EXOC4: variants seen among roughly 807,000 people sequenced by gnomAD.
The protein encoded by EXOC4 is SEC8-like 1.
In EXOC4, 71 loss-of-function variants were observed where a neutral mutation model predicts 107.2. That is an observed-to-expected ratio of 0.66 (90% CI 0.55 to 0.81). The LOEUF (loss-of-function observed/expected upper bound fraction) is 0.81, where lower values mean the gene tolerates loss of function less well. Ranked by LOEUF, EXOC4 falls within the 30% of genes least tolerant of loss-of-function variation. The pLI, the probability that EXOC4 is intolerant of heterozygous loss-of-function variation, is 0.00. For synonymous variants in EXOC4, 456 were observed against 441.2 expected (o/e 1.03, Z -0.42); for missense variants, 1,108 against 1,189.6 (o/e 0.93, Z 1.01).
intron 6 of EXOC4, among the ~76,000 whole-genome samples, chr7:133,373,647 A>G (rs1584863359): frequency 6.6e-6 from 1 of 152,190 alleles, no homozygotes; most frequent in Admixed American, 6.5e-5. Context: ...ACTGCTGACA[A>G]GCTCTTTTGC....
chr7:133,809,356 G>A (rs532916060), intron 10 of EXOC4, among the ~76,000 whole-genome samples: 4 of 152,214 alleles, frequency 2.6e-5, no homozygotes, highest in African/African-American at 4.8e-5. Context: ...GGATGGGACC[G>A]TGTGGACTTA....
chr7:133,850,133 A>T (rs1212252335), intron 11 of EXOC4, among the ~76,000 whole-genome samples: 1 of 152,222 alleles, frequency 6.6e-6, no homozygotes, highest in Non-Finnish European at 1.5e-5. Flanking sequence ...TGATATGTAG[A>T]TTATTTGTCT....
intron 3 of EXOC4, among the ~76,000 whole-genome samples, chr7:133,292,915 G>GT (rs1794439097): frequency 6.6e-6 from 1 of 152,038 alleles, no homozygotes; most frequent in Non-Finnish European, 1.5e-5. Context: ...GCTTTGTTCT[G>GT]TTTTTTCTTC....
At chr7:133,797,929 T>C (rs958788381) in intron 10 of EXOC4, among the ~76,000 whole-genome samples, 2 of 152,004 alleles carry the variant, frequency 1.3e-5, no homozygotes, top group African/African-American at 4.8e-5. Context: ...TCAATGCTTG[T>C]GGTATCAGAT....
intron 10 of EXOC4, among the ~76,000 whole-genome samples, chr7:133,757,036 A>G (rs1317895903): frequency 6.6e-6 from 1 of 152,158 alleles, no homozygotes; most frequent in Non-Finnish European, 1.5e-5. Context: ...TCCTAGCTTC[A>G]CTGTATATTA....
chr7:133,351,669 A>T (rs1225737435), intron 5 of EXOC4, among the ~76,000 whole-genome samples: 2 of 151,574 alleles, frequency 1.3e-5, no homozygotes, highest in Admixed American at 1.3e-4. Context: ...TTGTTTTTCT[A>T]TTCTCTATTT....
At chr7:133,512,656 AAAACC>A (rs1799793286) in intron 9 of EXOC4, among the ~76,000 whole-genome samples, 1 of 152,186 alleles carries the variant, frequency 6.6e-6, no homozygotes, top group African/African-American at 2.4e-5. Context: ...AGCTTAGCTC[AAAACC>A]AAACCAAACC....
At chr7:133,851,771 A>G (rs535843611) in intron 11 of EXOC4, among the ~76,000 whole-genome samples, 1 of 152,354 alleles carries the variant, frequency 6.6e-6, no homozygotes, top group South Asian at 2.1e-4. Flanking sequence ...ACCATGGCTC[A>G]GGTAAGTATA....
intron 14 of EXOC4, among the ~76,000 whole-genome samples, chr7:133,966,215 G>A (rs1782708873): frequency 6.6e-6 from 1 of 152,194 alleles, no homozygotes; most frequent in African/African-American, 2.4e-5. Flanking sequence ...TCAGCTTAAG[G>A]AAATTCTGGG....
intron 11 of EXOC4, among the ~76,000 whole-genome samples, chr7:133,844,236 C>T (rs1247951368): frequency 6.6e-6 from 1 of 152,020 alleles, no homozygotes; most frequent in Non-Finnish European, 1.5e-5. Context: ...GGTACCGGCT[C>T]TTCTTTATAC....
intron 7 of EXOC4, 105 bp downstream of exon 7, chr7:133,375,107 T>C (rs1796460449): frequency 1.2e-6 from 1 of 857,994 alleles, no homozygotes; most frequent in Admixed American, 2.6e-5. Flanking sequence ...TTAAGAGTCA[T>C]AAACAGGGTG....
intron 13 of EXOC4, among the ~76,000 whole-genome samples, chr7:133,918,456 T>C (rs890116986): frequency 1.3e-5 from 2 of 152,236 alleles, no homozygotes; most frequent in African/African-American, 2.4e-5. Context: ...CAGAATATGT[T>C]ATGATTGTTC....
intron 7 of EXOC4, among the ~76,000 whole-genome samples, chr7:133,401,919 T>G (rs1327593854): frequency 2.0e-5 from 3 of 152,130 alleles, no homozygotes. Context: ...CCAAAACACA[T>G]TAACTGTGCC....
chr7:133,859,215 A>AC (rs1426021612), intron 11 of EXOC4, among the ~76,000 whole-genome samples: 1 of 152,176 alleles, frequency 6.6e-6, no homozygotes, highest in African/African-American at 2.4e-5. Context: ...GGCAAGACAG[A>AC]ACATCAATCT....
intron 10 of EXOC4, among the ~76,000 whole-genome samples, chr7:133,725,624 C>T (rs1171293242): frequency 6.6e-6 from 1 of 152,166 alleles, no homozygotes; most frequent in Non-Finnish European, 1.5e-5. Context: ...TATCCAGCCA[C>T]CTCAGCCGTC....
At chr7:133,424,179 A>G (rs1171191036) in intron 7 of EXOC4, among the ~76,000 whole-genome samples, 1 of 152,086 alleles carries the variant, frequency 6.6e-6, no homozygotes, top group Non-Finnish European at 1.5e-5. Context: ...GTCACCTTCC[A>G]CGCTCTGGTA....
At chr7:134,097,741 C>A in the EXOC4 span, among the ~76,000 whole-genome samples, 1 of 152,124 alleles carries the variant, frequency 6.6e-6, no homozygotes, top group Non-Finnish European at 1.5e-5. Flanking sequence ...CCATAAGACC[C>A]TTCTCCTCAT....
chr7:133,688,739 T>A (rs1034399331), intron 10 of EXOC4, among the ~76,000 whole-genome samples: 1 of 152,186 alleles, frequency 6.6e-6, no homozygotes, highest in Non-Finnish European at 1.5e-5. Context: ...CCTATTTTTT[T>A]TTTGTCAAGA....
intron 7 of EXOC4, among the ~76,000 whole-genome samples, chr7:133,390,462 A>G (rs1389530311): frequency 4.1e-4 from 63 of 152,178 alleles, no homozygotes. Context: ...AGGAAATAAA[A>G]GCCGAGTCCA....
Sources: allele counts gnomAD v4.1 joint callset (sites outside exome capture counted in the v4.1 genomes callset), GRCh38; gene constraint gnomAD v4.1.1; transcripts MANE v1.5; gene names NCBI Gene and HGNC (gene_info 2026-07-23, HGNC 2026-07-21).